The following PHACTR1 variants were observed in gnomAD, a reference collection of about 807,000 sequenced individuals.
PHACTR1 encodes the protein phosphatase and actin regulator 1.
A neutral mutation model predicts 69.2 loss-of-function variants in PHACTR1; 16 were observed. The observed-to-expected ratio is 0.23, with a 90% confidence interval of 0.16 to 0.35. The LOEUF is 0.35. PHACTR1 is among the 10% of genes least tolerant of loss of function. The pLI is 1.00. For synonymous variants in PHACTR1, 312 were observed against 284.5 expected (o/e 1.10, Z -0.97); for missense variants, 510 against 734.7 (o/e 0.69, Z 3.54).
rs1361404768 is a variant in PHACTR1, at chr6:13,064,699, T to C, written c.415+11170T>C. Among the ~76,000 whole-genome samples the C allele has an allele frequency of 7.5e-5, 11 of 146,668 alleles. No homozygotes were observed. In the East Asian group the frequency reaches 2.1e-3, roughly 28 times the overall value. ...TGGGCTCCAGAGTCAGCCGCTTGTC[T>C]CTGCACAGATGAGGAGACGTCTCAT... On this transcript the variant is annotated intron_variant, in intron 5 of 14. Coordinates refer to ENST00000332995, the MANE Select transcript of PHACTR1 (RefSeq NM_030948.6).
intron 4 of PHACTR1, among the ~76,000 whole-genome samples, chr6:12,863,406 C>A (rs1781135617): frequency 6.6e-6 from 1 of 152,200 alleles, no homozygotes; most frequent in African/African-American, 2.4e-5. Flanking sequence ...GATTCATGAC[C>A]TCCTATAAAC....
At chr6:13,070,839 C>CA (rs927129893) in intron 5 of PHACTR1, among the ~76,000 whole-genome samples, 15 of 149,788 alleles carry the variant, frequency 1.0e-4, no homozygotes, top group East Asian at 5.9e-4. Flanking sequence ...CAGCAGCAAC[C>CA]AAAAAAAAAC....
At chr6:13,167,082 T>C (rs1332478363) in intron 6 of PHACTR1, among the ~76,000 whole-genome samples, 2 of 152,236 alleles carry the variant, frequency 1.3e-5, no homozygotes, top group Non-Finnish European at 2.9e-5. Context: ...AGAAAGGTTA[T>C]TGATGTAACC....
chr6:12,822,334 C>T (rs10434854), intron 4 of PHACTR1, among the ~76,000 whole-genome samples: 31,366 of 152,088 alleles, frequency 0.21, 3,473 homozygotes, highest in African/African-American at 0.29. Flanking sequence ...TGTGTGACAA[C>T]GGACTTCTAA....
intron 4 of PHACTR1, among the ~76,000 whole-genome samples, chr6:12,895,186 T>C (rs966149243): frequency 4.0e-4 from 58 of 145,282 alleles, no homozygotes; most frequent in African/African-American, 1.4e-3. Flanking sequence ...TCTTTTTTTT[T>C]TTTTTTTTTT....
intron 4 of PHACTR1, among the ~76,000 whole-genome samples, chr6:12,974,611 A>G (rs1794641925): frequency 6.6e-6 from 1 of 152,156 alleles, no homozygotes; most frequent in South Asian, 2.1e-4. Flanking sequence ...ACATTTTCTA[A>G]TTGGGTGAAA....
rs200984506 is a variant in PHACTR1, at chr6:12,718,762, G to T, written c.18G>T (p.Met6Ile). 3.9e-6 allele frequency: 6 copies of T among 1,556,462 alleles called. No individual in the cohort carries two copies. Among genetic ancestry groups the T allele is most frequent in the South Asian group, 1.2e-5 (1 of 83,486 alleles). ...CATCAAGGATGGATTATCCCAAAAT[G>T]GATTATTTTCTGGATGTAGAGTCTG... is the stretch of plus-strand genomic sequence containing the variant. MDYPK[M>I]DYFLDVESAH... The change falls in exon 3 of 15, where the codon ATG becomes ATT. Residue 6 changes from methionine to isoleucine, a missense_variant. Physicochemically the swap from Met to Ile is conservative, Grantham distance 10 (BLOSUM62 1). Coordinates refer to ENST00000332995, the MANE Select transcript of PHACTR1 (RefSeq NM_030948.6).
chr6:12,993,433 T>C (rs1227997191), intron 4 of PHACTR1, among the ~76,000 whole-genome samples: 1 of 152,166 alleles, frequency 6.6e-6, no homozygotes, highest in African/African-American at 2.4e-5. Flanking sequence ...AGCAGCATAA[T>C]AGACTGAACT....
intron 4 of PHACTR1, among the ~76,000 whole-genome samples, chr6:12,778,922 A>C (rs1242625979): frequency 6.6e-6 from 1 of 152,232 alleles, no homozygotes; most frequent in East Asian, 1.9e-4. Flanking sequence ...GCCCCAAGCC[A>C]GGGCTCATGG....
intron 4 of PHACTR1, among the ~76,000 whole-genome samples, chr6:12,925,194 C>A (rs1377140251): frequency 6.6e-6 from 1 of 152,220 alleles, no homozygotes; most frequent in Non-Finnish European, 1.5e-5. Context: ...CATCTCCCAA[C>A]AACTCCAACA....
intron 3 of PHACTR1, among the ~76,000 whole-genome samples, chr6:12,728,066 C>T (rs150612612): frequency 0.032 from 4,821 of 152,160 alleles, 237 homozygotes; most frequent in African/African-American, 0.11. Context: ...AATTCCAGCA[C>T]TTTGGGAGGC....
At chr6:12,745,526 T>G (rs1214887860) in intron 3 of PHACTR1, among the ~76,000 whole-genome samples, 1 of 151,902 alleles carries the variant, frequency 6.6e-6, no homozygotes, top group East Asian at 1.9e-4. Context: ...ATATAAACAA[T>G]CATGTGGGTG....
At chr6:13,043,446 G>C (rs1804512802) in intron 4 of PHACTR1, among the ~76,000 whole-genome samples, 1 of 152,072 alleles carries the variant, frequency 6.6e-6, no homozygotes, top group Non-Finnish European at 1.5e-5. Flanking sequence ...AGGCGGGTGG[G>C]GGGTGGCGCT....
chr6:13,188,798 A>G (rs184381467), intron 7 of PHACTR1, among the ~76,000 whole-genome samples: 26 of 152,274 alleles, frequency 1.7e-4, no homozygotes, highest in African/African-American at 5.1e-4. Flanking sequence ...TCCAACATCA[A>G]CCATGCAACA....
chr6:13,073,378 C>G (rs1488852717), intron 5 of PHACTR1, among the ~76,000 whole-genome samples: 1 of 107,182 alleles, frequency 9.3e-6, no homozygotes, highest in Non-Finnish European at 1.7e-5. Flanking sequence ...GAGTCTCACT[C>G]TGTCACCCAG....
chr6:13,220,659 G>C (rs1304680181), intron 8 of PHACTR1, among the ~76,000 whole-genome samples: 1 of 152,172 alleles, frequency 6.6e-6, no homozygotes, highest in African/African-American at 2.4e-5. Context: ...TCCTTGAGTT[G>C]TCTTCTTAGG....
chr6:12,731,550 T>C (rs1561827819), intron 3 of PHACTR1, among the ~76,000 whole-genome samples: 1 of 152,174 alleles, frequency 6.6e-6, no homozygotes, highest in African/African-American at 2.4e-5. Context: ...TACACTGAAA[T>C]TGCAAAAGAA....
At chr6:12,887,290 A>G (rs1783737336) in intron 4 of PHACTR1, among the ~76,000 whole-genome samples, 1 of 152,206 alleles carries the variant, frequency 6.6e-6, no homozygotes, top group Non-Finnish European at 1.5e-5. Context: ...CTTTCATGCT[A>G]AAATGCCAGG....
Position 13,069,537 on chromosome 6 carries a change from C to T in PHACTR1, c.415+16008C>T, listed in dbSNP as rs151173763. Among the ~76,000 whole-genome samples the T allele has an allele frequency of 7.1e-4, 108 of 152,200 alleles. 1 individual carries two copies. Among genetic ancestry groups the T allele is most frequent in the South Asian group, 5.6e-3 (27 of 4,816 alleles). On this transcript the variant is annotated intron_variant, in intron 5 of 14. Transcript: ENST00000332995. The stretch of plus-strand genomic sequence containing the variant: ...TGCCTGACTCTCCTGGAGTACTTCT[C>T]TTCATGTTCAACATATTGTTCTTTC...
Sources: gnomAD v4.1 joint callset for allele counts (sites outside exome capture counted in the v4.1 genomes callset) on GRCh38, gnomAD v4.1.1 for gene constraint, MANE v1.5 for transcripts, NCBI Gene and HGNC (gene_info 2026-07-23, HGNC 2026-07-21) for gene names.